The following KLHDC1 variants were observed in gnomAD, a reference collection of about 807,000 sequenced individuals.
KLHDC1 encodes the protein kelch domain containing 1, also known as kelch domain-containing protein 1.
In KLHDC1, 53 loss-of-function variants were observed where a neutral mutation model predicts 68.3. The observed-to-expected ratio is 0.78, with a 90% CI of 0.62 to 0.98. The LOEUF is 0.98. KLHDC1 is among the 50% of genes least tolerant of loss of function. The probability of loss-of-function intolerance (pLI) is 0.00; values close to 1 mark genes in which losing one functional copy is unlikely to be tolerated. For missense variants in KLHDC1, 470 were observed against 492.3 expected, an observed-to-expected ratio of 0.95 and a Z score of 0.43; for synonymous variants, 148 against 159.0, an observed-to-expected ratio of 0.93 and a Z score of 0.52.
At chr14:49,710,475 T>C in intron 4 of KLHDC1, 94 bp downstream of exon 4, 1 of 670,826 alleles carries the variant, frequency 1.5e-6, no homozygotes, top group African/African-American at 1.8e-5. Flanking sequence ...ATGAGTTTTT[T>C]TCAGGATTGC....
chr14:49,709,987 T>C (rs1189573728), intron 3 of KLHDC1, among the ~76,000 whole-genome samples, 161 bp downstream of exon 3: 1 of 152,220 alleles, frequency 6.6e-6, no homozygotes, highest in Admixed American at 6.5e-5. Context: ...AGTCCTGCTC[T>C]TCTCTTCTTC....
At chr14:49,707,039 C>T (rs1888067055) in intron 1 of KLHDC1, among the ~76,000 whole-genome samples, 1 of 152,120 alleles carries the variant, frequency 6.6e-6, no homozygotes, top group Non-Finnish European at 1.5e-5. Context: ...TGTGGGGTAT[C>T]ATTCAAGAAA....
At chr14:49,694,269 T>C (rs1371438480) in intron 1 of KLHDC1, among the ~76,000 whole-genome samples, 1 of 152,244 alleles carries the variant, frequency 6.6e-6, no homozygotes, top group African/African-American at 2.4e-5. Context: ...ACAGGAATAC[T>C]ATATGCCAAC....
intron 12 of KLHDC1, among the ~76,000 whole-genome samples, chr14:49,749,748 G>A (rs1444373332): frequency 1.3e-5 from 2 of 151,918 alleles, no homozygotes; most frequent in Non-Finnish European, 2.9e-5. Context: ...CTGCAATTTG[G>A]GAATTTGGGG....
intron 8 of KLHDC1, among the ~76,000 whole-genome samples, chr14:49,732,260 C>A (rs906466889): frequency 6.6e-6 from 1 of 151,980 alleles, no homozygotes; most frequent in Non-Finnish European, 1.5e-5. Flanking sequence ...GCAACCTCCA[C>A]CTCCCAGGTT....
Position 49,741,312 on chromosome 14 carries a change from TA to T in KLHDC1, c.981+1131del, listed in dbSNP as rs201260915. ...TGTTGAAATATTCCAAGTATATTAT[TA>T]TTTTTTTTTTTTGAGACAGGATTTC... On this transcript the variant is annotated intron_variant, in intron 11 of 12. Transcript: ENST00000359332. Among the ~76,000 whole-genome samples, 400 of 148,340 alleles carry T rather than the reference TA, an allele frequency of 2.7e-3. 5 individuals are homozygous for T. The highest frequency in any genetic ancestry group is 6.5e-3 in the East Asian group (33 of 5,104).
intron 1 of KLHDC1, among the ~76,000 whole-genome samples, chr14:49,694,010 C>A (rs1390342990): frequency 6.6e-6 from 1 of 151,770 alleles, no homozygotes; most frequent in Non-Finnish European, 1.5e-5. Context: ...CCTTGGCTTC[C>A]CAAAATGCTG....
chr14:49,693,217 G>A lies in KLHDC1; in HGVS notation c.23G>A (p.Cys8Tyr). The A allele has an allele frequency of 6.3e-7, 1 of 1,578,720 alleles. No individual in the cohort carries two copies. Among genetic ancestry groups the A allele is most frequent in the South Asian group, 1.1e-5 (1 of 88,660 alleles). Residue 8 changes from cysteine to tyrosine, a missense_variant, in exon 1 of 13, where the codon TGT becomes TAT. Physicochemically the swap from Cys to Tyr is radical, Grantham distance 194 (BLOSUM62 -2). Coordinates refer to ENST00000359332, the MANE Select transcript of KLHDC1 (RefSeq NM_172193.3). Reference sequence around the variant, plus strand: ...CGAATGGCGGACTCTCAGCTGTTCTGTGTGGCGGAGGAACGCAGCGGCCAC... The same window carrying A: ...CGAATGGCGGACTCTCAGCTGTTCTATGTGGCGGAGGAACGCAGCGGCCAC... MADSQLF[C>Y]VAEERSGHCA...
chr14:49,701,108 C>G (rs1887893468), intron 1 of KLHDC1, among the ~76,000 whole-genome samples: 1 of 150,818 alleles, frequency 6.6e-6, no homozygotes, highest in Non-Finnish European at 1.5e-5. Context: ...AAGAAAAAAA[C>G]TACAAAAACA....
At chr14:49,722,164 C>A (rs184611942) in intron 4 of KLHDC1, among the ~76,000 whole-genome samples, 2 of 152,066 alleles carry the variant, frequency 1.3e-5, no homozygotes, top group African/African-American at 4.8e-5. Flanking sequence ...TTCTAGGGTA[C>A]GTGTGCACAA....
chr14:49,699,219 ACTT>A (rs1330012473), intron 1 of KLHDC1, among the ~76,000 whole-genome samples: 1 of 151,808 alleles, frequency 6.6e-6, no homozygotes. Context: ...GAATTGAAAT[ACTT>A]CTTTTTCTCC....
At chr14:49,729,208 G>A (rs1888743629) in intron 7 of KLHDC1, among the ~76,000 whole-genome samples, 199 bp downstream of exon 7, 1 of 152,096 alleles carries the variant, frequency 6.6e-6, no homozygotes, top group Non-Finnish European at 1.5e-5. Context: ...ATTTTAATGA[G>A]GAGAATCTTT....
chr14:49,725,099 G>T (rs1010297659), intron 5 of KLHDC1, among the ~76,000 whole-genome samples: 1 of 152,150 alleles, frequency 6.6e-6, no homozygotes, highest in African/African-American at 2.4e-5. Flanking sequence ...AACTGGCACA[G>T]AGATCATCTA....
At chr14:49,741,665 G>A (rs1015008676) in intron 11 of KLHDC1, among the ~76,000 whole-genome samples, 1 of 152,074 alleles carries the variant, frequency 6.6e-6, no homozygotes, top group Non-Finnish European at 1.5e-5. Context: ...TTACATTTAA[G>A]TTTAAAGCAT....
chr14:49,712,346 C>A (rs1442320326), intron 4 of KLHDC1, among the ~76,000 whole-genome samples: 1 of 152,150 alleles, frequency 6.6e-6, no homozygotes, highest in Admixed American at 6.5e-5. Flanking sequence ...CAATAGTCTG[C>A]ACTGTGTTGG....
chr14:49,726,050 G>C (rs1888664814), intron 6 of KLHDC1, among the ~76,000 whole-genome samples: 1 of 152,130 alleles, frequency 6.6e-6, no homozygotes, highest in African/African-American at 2.4e-5. Flanking sequence ...ATTTTGCCAT[G>C]TTGGCCACGC....
At chr14:49,714,764 C>T (rs1566603715) in intron 4 of KLHDC1, among the ~76,000 whole-genome samples, 1 of 150,624 alleles carries the variant, frequency 6.6e-6, no homozygotes, top group East Asian at 1.9e-4. Context: ...TACTCTGACT[C>T]ATATACTATA....
chr14:49,728,857 G>A (rs1158899368), intron 6 of KLHDC1, 69 bp from the exon 7 acceptor site: 2 of 1,085,030 alleles, frequency 1.8e-6, no homozygotes, highest in Admixed American at 1.7e-5. Flanking sequence ...TTCACATACT[G>A]AGCATAGGAA....
chr14:49,693,191 G>T lies in KLHDC1; in HGVS notation c.-4G>T. The T allele has an allele frequency of 6.3e-7, 1 of 1,581,400 alleles. No individual in the cohort carries two copies. The highest frequency in any genetic ancestry group is 8.6e-7 in the Non-Finnish European group (1 of 1,165,776). ...CGGCAAGCGGCGGGCCAGCGACGGC[G>T]CGAATGGCGGACTCTCAGCTGTTCT... On this transcript the variant is annotated 5_prime_UTR_variant, in exon 1 of 13. Transcript: ENST00000359332.
Sources: allele counts gnomAD v4.1 joint callset (sites outside exome capture counted in the v4.1 genomes callset), GRCh38; gene constraint gnomAD v4.1.1; transcripts MANE v1.5; gene names NCBI Gene and HGNC (gene_info 2026-07-23, HGNC 2026-07-21).